Variants in ZNF564 observed in about 807,000 individuals in gnomAD.
The protein encoded by ZNF564 is zinc finger protein 564.
A neutral mutation model predicts 10.5 loss-of-function variants in ZNF564; 5 were observed. The observed-to-expected ratio is 0.48, with a 90% CI of 0.25 to 1.00. The LOEUF (loss-of-function observed/expected upper bound fraction) is 1.00, where lower values mean the gene tolerates loss of function less well. Ranked by LOEUF, ZNF564 falls within the 50% of genes least tolerant of loss-of-function variation. The pLI, the probability that ZNF564 is intolerant of heterozygous loss-of-function variation, is 0.16. For synonymous variants in ZNF564, 242 were observed against 218.1 expected, an observed-to-expected ratio of 1.11 and a Z score of -0.97; for missense variants, 603 against 669.7, an observed-to-expected ratio of 0.90 and a Z score of 1.10.
chr19:12,539,240 CA>C (rs760536256), intron 1 of ZNF564, among the ~76,000 whole-genome samples: 1,692 of 52,064 alleles, frequency 0.032, 18 homozygotes, highest in African/African-American at 0.088. Context: ...GACTCCATCT[CA>C]AAAAAAAAAA....
At chr19:12,542,137 C>T (rs1014991651) in intron 1 of ZNF564, among the ~76,000 whole-genome samples, 1 of 151,266 alleles carries the variant, frequency 6.6e-6, no homozygotes, top group African/African-American at 2.4e-5. Context: ...AGTGAAACCC[C>T]GACTCTACTA....
intron 1 of ZNF564, among the ~76,000 whole-genome samples, chr19:12,541,122 C>T (rs954056785): frequency 6.7e-6 from 1 of 150,014 alleles, no homozygotes; most frequent in Non-Finnish European, 1.5e-5. Flanking sequence ...TGGTGGCACG[C>T]ACCTGCAGTT....
At chr19:12,528,162 T>C in intron 3 of ZNF564, 142 bp downstream of exon 3, 2 of 889,070 alleles carry the variant, frequency 2.2e-6, no homozygotes, top group Non-Finnish European at 3.5e-6. Context: ...ACTGAACATC[T>C]ATGCCACTTT....
At chr19:12,542,112 C>T (rs1401790191) in intron 1 of ZNF564, among the ~76,000 whole-genome samples, 3 of 150,936 alleles carry the variant, frequency 2.0e-5, no homozygotes, top group Non-Finnish European at 4.4e-5. Flanking sequence ...TGTTCAAGAC[C>T]AGCCTGGCCA....
chr19:12,528,873 G>C (rs144130875), intron 1 of ZNF564, among the ~76,000 whole-genome samples, 177 bp from the exon 2 acceptor site: 1 of 152,084 alleles, frequency 6.6e-6, no homozygotes, highest in African/African-American at 2.4e-5. Flanking sequence ...AGGCCAGCCC[G>C]GTCAACATGG....
chr19:12,548,485 G>T (rs111842068), intron 1 of ZNF564, among the ~76,000 whole-genome samples: 1,778 of 152,240 alleles, frequency 0.012, 26 homozygotes, highest in African/African-American at 0.041. Flanking sequence ...AAAGTGCTGG[G>T]ATTAAAGGCG....
chr19:12,544,075 T>G (rs1368117644), intron 1 of ZNF564, among the ~76,000 whole-genome samples: 1 of 152,154 alleles, frequency 6.6e-6, no homozygotes, highest in Non-Finnish European at 1.5e-5. Context: ...AAACTACATG[T>G]GTGCTGTTCA....
In ZNF564 at chr19:12,526,448, A is replaced by G; in HGVS notation, c.1660T>C (p.Ter554GlnextTer55). The change falls in exon 4 of 4, where the codon TAG (stop) becomes CAG (glutamine). Residue 554 changes from the stop codon to glutamine (Q), a stop_lost. Transcript: ENST00000339282. ...GATACTTGTAGACCTGTCCTCCACT[A>G]TTCATTTTCACAGGTATTCGAAGGT... ...TQPSNTCENE[*>Q] The G allele has an allele frequency of 6.3e-7, 1 of 1,584,694 alleles. No individual in the cohort carries two copies. The highest frequency in any genetic ancestry group is 8.6e-7 in the Non-Finnish European group (1 of 1,167,780).
chr19:12,535,287 C>T (rs570464385), intron 1 of ZNF564, among the ~76,000 whole-genome samples: 47 of 151,996 alleles, frequency 3.1e-4, no homozygotes, highest in African/African-American at 1.1e-3. Context: ...GCAGGAGAAT[C>T]GCTTGAACCA....
At chr19:12,538,262 G>A (rs1241134667) in intron 1 of ZNF564, among the ~76,000 whole-genome samples, 1 of 151,966 alleles carries the variant, frequency 6.6e-6, no homozygotes, top group African/African-American at 2.4e-5. Context: ...GCAAAGACAG[G>A]AGGACTGCTT....
chr19:12,551,203 C>A, intron 1 of ZNF564, 127 bp downstream of exon 1: 1 of 1,117,540 alleles, frequency 8.9e-7, no homozygotes, highest in Non-Finnish European at 1.3e-6. Context: ...GGCCGAGCTG[C>A]GCCAGGGAAC....
intron 1 of ZNF564, among the ~76,000 whole-genome samples, chr19:12,536,731 T>G (rs2021922457): frequency 6.6e-6 from 1 of 152,118 alleles, no homozygotes; most frequent in African/African-American, 2.4e-5. Flanking sequence ...GCAAGGTGGC[T>G]CACATCTGTA....
Position 12,527,275 on chromosome 19 carries a change from TC to T in ZNF564, c.832del (p.Glu278ArgfsTer23). 1 of 1,614,106 alleles carries T rather than the reference TC, an allele frequency of 6.2e-7. No homozygotes were observed. Among genetic ancestry groups the T allele is most frequent in the Non-Finnish European group, 8.5e-7 (1 of 1,180,026 alleles). On this transcript the variant is annotated frameshift_variant, in exon 4 of 4. Coordinates refer to ENST00000339282, the MANE Select transcript of ZNF564 (RefSeq NM_144976.4). LOFTEE classifies it low-confidence loss of function (END_TRUNC). Reference protein sequence around the residue: ...FRIHERTHTGEKPHECKQCGK... With the variant: ...FRIHERTHTGXKPHECKQCGK... ...ACACTGTTTACATTCATGGGGTTTC[TC>T]TCCAGTATGAGTTCTTTCATGTATT...
At chr19:12,531,128 T>C (rs2021791007) in intron 1 of ZNF564, among the ~76,000 whole-genome samples, 1 of 152,154 alleles carries the variant, frequency 6.6e-6, no homozygotes, top group Admixed American at 6.6e-5. Context: ...ATAAATCCCC[T>C]AAAAACTGTT....
Position 12,525,990 on chromosome 19 carries a change from G to C in ZNF564, c.*456C>G, listed in dbSNP as rs992955580. On this transcript the variant is annotated 3_prime_UTR_variant, in exon 4 of 4. Transcript: ENST00000339282. ...GGGCCTCCAAATACCATCACATTGT[G>C]GGGGAGAGGGGGGGCACGGGGGTAA... 7 of 154,438 alleles carry C rather than the reference G, an allele frequency of 4.5e-5. 1 individual carries two copies. The East Asian group carries it at 1.3e-3, about 30-fold the overall frequency. The allele number at this position is 154,438 out of a possible 1,614,324, so 9.6% of individuals were successfully genotyped here.
Position 12,551,376 on chromosome 19 carries a change from T to A in ZNF564, c.-44A>T. On this transcript the variant is annotated 5_prime_UTR_variant, in exon 1 of 4. Coordinates refer to ENST00000339282, the MANE Select transcript of ZNF564 (RefSeq NM_144976.4). ...TCCCGGGGTCCTGCCTACGGCTCTC[T>A]CCGGCCTGTGCAGGTCCCAGCGCGC... The A allele has an allele frequency of 6.3e-7, 1 of 1,584,302 alleles. No individual in the cohort carries two copies. Among genetic ancestry groups the A allele is most frequent in the Non-Finnish European group, 8.6e-7 (1 of 1,166,090 alleles).
At chr19:12,548,927 T>C (rs1337686067) in intron 1 of ZNF564, 2 of 700,438 alleles carry the variant, frequency 2.9e-6, no homozygotes, top group Non-Finnish European at 5.2e-6. Context: ...AATGTATTCG[T>C]TTCTCTGTAG....
intron 1 of ZNF564, among the ~76,000 whole-genome samples, chr19:12,544,643 G>C (rs2022117564): frequency 6.6e-6 from 1 of 152,114 alleles, no homozygotes; most frequent in African/African-American, 2.4e-5. Context: ...AATGCACAGA[G>C]AGGCTGCAGG....
intron 1 of ZNF564, among the ~76,000 whole-genome samples, chr19:12,540,662 G>A (rs1599284462): frequency 6.6e-6 from 1 of 152,124 alleles, no homozygotes; most frequent in Non-Finnish European, 1.5e-5. Context: ...CCACCATCCT[G>A]GCTAACATGA....
Sources: gnomAD v4.1 joint callset for allele counts (sites outside exome capture counted in the v4.1 genomes callset) on GRCh38, gnomAD v4.1.1 for gene constraint, MANE v1.5 for transcripts, NCBI Gene and HGNC (gene_info 2026-07-23, HGNC 2026-07-21) for gene names.